CHPT1: variants seen among roughly 807,000 people sequenced by gnomAD.
CHPT1 encodes choline phosphotransferase 1.
Under a neutral mutation model 47.6 loss-of-function variants are expected in CHPT1, and 36 were observed. That is an observed-to-expected ratio of 0.76 (90% CI 0.58 to 1.00). CHPT1 has a LOEUF of 1.00. Ranked by LOEUF, CHPT1 falls within the 50% of genes least tolerant of loss-of-function variation. The pLI, the probability that CHPT1 is intolerant of heterozygous loss-of-function variation, is 0.00. For synonymous variants in CHPT1, 194 were observed against 186.3 expected (o/e 1.04, Z -0.33); for missense variants, 458 against 498.1 (o/e 0.92, Z 0.77).
At chr12:101,703,574 C>G (rs1462427905) in intron 1 of CHPT1, among the ~76,000 whole-genome samples, 1 of 152,166 alleles carries the variant, frequency 6.6e-6, no homozygotes, top group Non-Finnish European at 1.5e-5. Flanking sequence ...AGGTCTGGGT[C>G]GAAAGCAGTG....
intron 7 of CHPT1, 136 bp downstream of exon 7, chr12:101,723,983 A>G: frequency 1.6e-6 from 1 of 608,394 alleles, no homozygotes; most frequent in South Asian, 2.0e-5. Flanking sequence ...TTGGGAGGCC[A>G]AGGTGGACGG....
Position 101,697,734 on chromosome 12 carries a change from G to C in CHPT1, c.-128G>C. On this transcript the variant is annotated 5_prime_UTR_variant, in exon 1 of 9. Transcript: ENST00000229266. ...GGCCTGACCTCGACCTCCGCCGTGC[G>C]GGCCCGACCGGTGAGTCCAGCCCGG... is the stretch of plus-strand genomic sequence containing the variant. 4.3e-6 allele frequency: 1 copy of C among 229,924 alleles called. No homozygotes were observed. The highest frequency in any genetic ancestry group is 1.6e-4 in the South Asian group (1 of 6,228). 14.2% of individuals were successfully genotyped at this position (229,924 alleles called of 1,614,324 possible).
chr12:101,721,086 A>T (rs1350715276), intron 5 of CHPT1, among the ~76,000 whole-genome samples: 1 of 152,212 alleles, frequency 6.6e-6, no homozygotes, highest in Non-Finnish European at 1.5e-5. Flanking sequence ...GTTCGAGACC[A>T]GCCTGGCCAA....
rs1951828718 is a variant in CHPT1 at position 101,720,192 on chromosome 12, T to C, written c.718T>C (p.Cys240Arg). The change falls in exon 5 of 9, where the codon TGT becomes CGT. Residue 240 changes from cysteine to arginine, a missense_variant. Physicochemically the swap from Cys to Arg is radical, Grantham distance 180. Coordinates refer to ENST00000229266, the MANE Select transcript of CHPT1 (RefSeq NM_020244.3). The stretch of plus-strand genomic sequence containing the variant: ...ATTTCTAGGTGGAGTAATATTTTCC[T>C]GTTCAAATTATTTCCATGTTATCCT... ...LGFLGGVIFSCSNYFHVILHG... is the reference protein window; with the variant it reads ...LGFLGGVIFSRSNYFHVILHG... 1 of 1,603,134 alleles carries C rather than the reference T, an allele frequency of 6.2e-7. No homozygotes were observed. Among genetic ancestry groups the C allele is most frequent in the Non-Finnish European group, 8.5e-7 (1 of 1,173,620 alleles).
rs967848598 is a variant in CHPT1, at chr12:101,710,219, G to A, written c.274-3871G>A. ...AATTTAGCTGGGTGTGGTGGCGTGC[G>A]CCTGTAATCTCAGCTACTTTGGGAG... is the stretch of plus-strand genomic sequence containing the variant. On this transcript the variant is annotated intron_variant, in intron 1 of 8. Coordinates refer to ENST00000229266, the MANE Select transcript of CHPT1 (RefSeq NM_020244.3). Among the ~76,000 whole-genome samples, 17 of 148,508 alleles carry A rather than the reference G, an allele frequency of 1.1e-4. 2 individuals carry two copies. Among genetic ancestry groups the A allele is most frequent in the Non-Finnish European group, 2.3e-4 (15 of 66,380 alleles).
chr12:101,716,654 A>T, intron 3 of CHPT1, 74 bp from the exon 4 acceptor site: 1 of 844,268 alleles, frequency 1.2e-6, no homozygotes, highest in Non-Finnish European at 1.9e-6. Flanking sequence ...TTTGCTATTT[A>T]ATATGTGATG....
chr12:101,725,767 T>C (rs1320725178), intron 7 of CHPT1, among the ~76,000 whole-genome samples: 1 of 152,188 alleles, frequency 6.6e-6, no homozygotes, highest in Admixed American at 6.5e-5. Context: ...CTGGGTTTCA[T>C]TTTCTGAAGA....
chr12:101,712,362 C>T lies in CHPT1; in HGVS notation c.274-1728C>T, dbSNP rs140806373. ...CTACTAGTTTTCATTGATTTAATTACGATGTGCCTTGATGGGTGTTTAAAA... is the reference window on the plus strand; with the variant it reads ...CTACTAGTTTTCATTGATTTAATTATGATGTGCCTTGATGGGTGTTTAAAA... On this transcript the variant is annotated intron_variant, in intron 1 of 8. Transcript: ENST00000229266. 3.4e-5 allele frequency among the ~76,000 whole-genome samples: 5 copies of T among 148,790 alleles called. 1 individual carries two copies. The highest frequency in any genetic ancestry group is 4.0e-4 in the East Asian group (2 of 4,992).
At chr12:101,706,225 C>A (rs1566036383) in intron 1 of CHPT1, among the ~76,000 whole-genome samples, 1 of 151,626 alleles carries the variant, frequency 6.6e-6, no homozygotes, top group Admixed American at 6.6e-5. Context: ...TGGTGCACAT[C>A]TGTAATCCCA....
chr12:101,715,783 A>C (rs1270536009), intron 3 of CHPT1, among the ~76,000 whole-genome samples: 1 of 152,194 alleles, frequency 6.6e-6, no homozygotes, highest in African/African-American at 2.4e-5. Flanking sequence ...TTAAGATATG[A>C]ATGAAGAGGC....
At chr12:101,713,714 A>G (rs1239760474) in intron 1 of CHPT1, among the ~76,000 whole-genome samples, 2 of 144,042 alleles carry the variant, frequency 1.4e-5, no homozygotes, top group Non-Finnish European at 3.1e-5. Context: ...TCCATTGTGA[A>G]TGGAAGCAGA....
rs143123980 is a variant in CHPT1 at position 101,698,041 on chromosome 12, G to C, written c.180G>C (p.Trp60Cys). The change falls in exon 1 of 9, where the codon TGG (tryptophan) becomes TGC (cysteine). Residue 60 changes from tryptophan to cysteine, a missense_variant. By Grantham distance (215) the Trp-to-Cys change is radical. Coordinates refer to ENST00000229266, the MANE Select transcript of CHPT1 (RefSeq NM_020244.3). ...GGCTGCTCCAGTGGATCCCGCTCTG[G>C]ATGGCCCCCAACTCCATCACCCTGC... ...WTWLLQWIPL[W>C]MAPNSITLLG... 6 of 1,580,062 alleles carry C rather than the reference G, an allele frequency of 3.8e-6. No individual in the cohort carries two copies. The highest frequency in any genetic ancestry group is 5.1e-6 in the Non-Finnish European group (6 of 1,171,566).
intron 7 of CHPT1, among the ~76,000 whole-genome samples, chr12:101,725,717 TTCCCTC>T (rs2137031411): frequency 6.6e-6 from 1 of 152,194 alleles, no homozygotes; most frequent in South Asian, 2.1e-4. Flanking sequence ...TGGGTGAGAA[TTCCCTC>T]TCCAAGGGCA....
At chr12:101,720,088 G>A (rs1225466192) in intron 4 of CHPT1, 35 bp from the exon 5 acceptor site, 3 of 1,504,286 alleles carry the variant, frequency 2.0e-6, no homozygotes, top group African/African-American at 1.4e-5. Flanking sequence ...CCAAAATTCT[G>A]TTGTCTTAAT....
At chr12:101,724,563 A>C (rs1036786388) in intron 7 of CHPT1, among the ~76,000 whole-genome samples, 1 of 152,212 alleles carries the variant, frequency 6.6e-6, no homozygotes, top group Non-Finnish European at 1.5e-5. Context: ...GCTAATATTG[A>C]GGAAACAAAA....
intron 4 of CHPT1, among the ~76,000 whole-genome samples, chr12:101,718,928 G>A (rs1172038487): frequency 6.6e-6 from 1 of 151,512 alleles, no homozygotes; most frequent in African/African-American, 2.4e-5. Flanking sequence ...GTAAATGTAC[G>A]GGCAGATCAC....
At chr12:101,723,027 A>G in intron 5 of CHPT1, 141 bp from the exon 6 acceptor site, 1 of 668,062 alleles carries the variant, frequency 1.5e-6, no homozygotes, top group African/African-American at 1.9e-5. Context: ...AGCACAACTC[A>G]GGTTTGTATA....
chr12:101,703,441 G>A (rs1405787244), intron 1 of CHPT1, among the ~76,000 whole-genome samples: 1 of 152,218 alleles, frequency 6.6e-6, no homozygotes, highest in Admixed American at 6.5e-5. Flanking sequence ...TGAAGTGCTG[G>A]TTTAACTGCA....
intron 1 of CHPT1, among the ~76,000 whole-genome samples, chr12:101,701,167 G>T (rs1207755147): frequency 6.6e-6 from 1 of 152,102 alleles, no homozygotes; most frequent in African/African-American, 2.4e-5. Flanking sequence ...TTCCAATAAG[G>T]AACTTTGTAC....
Sources: gnomAD v4.1 joint callset for allele counts (sites outside exome capture counted in the v4.1 genomes callset) on GRCh38, gnomAD v4.1.1 for gene constraint, MANE v1.5 for transcripts, NCBI Gene and HGNC (gene_info 2026-07-23, HGNC 2026-07-21) for gene names.